ZNF521: variants seen among roughly 807,000 people sequenced by gnomAD.
ZNF521 encodes zinc finger protein 521.
ZNF521 carries 14 observed loss-of-function variants against 105.5 expected under a neutral mutation model. The ratio of observed to expected loss-of-function variants is 0.13; its 90% confidence interval spans 0.09 to 0.21. The LOEUF (loss-of-function observed/expected upper bound fraction) is 0.21. ZNF521 is among the 10% of genes least tolerant of loss of function. ZNF521 has a pLI of 1.00. For missense variants in ZNF521, 1,233 were observed against 1,629.7 expected (o/e 0.76, Z 4.19); for synonymous variants, 635 against 606.0 (o/e 1.05, Z -0.70).
At chr18:25,240,902 C>T (rs187459205) in intron 3 of ZNF521, among the ~76,000 whole-genome samples, 4 of 140,632 alleles carry the variant, frequency 2.8e-5, no homozygotes, top group Admixed American at 7.6e-5. Flanking sequence ...AGCACTGGGG[C>T]GAGTTTTCTG....
chr18:25,116,762 C>T (rs1261501702), intron 5 of ZNF521, among the ~76,000 whole-genome samples: 2 of 151,202 alleles, frequency 1.3e-5, no homozygotes, highest in Non-Finnish European at 2.9e-5. Flanking sequence ...GATGTCAGTA[C>T]TCCAATAGAA....
intron 3 of ZNF521, among the ~76,000 whole-genome samples, chr18:25,282,476 T>C (rs908324340): frequency 1.3e-5 from 2 of 151,942 alleles, no homozygotes; most frequent in Non-Finnish European, 2.9e-5. Flanking sequence ...AGTTCAGTGT[T>C]TGGAAAGAGG....
chr18:25,330,266 C>T (rs775110467), intron 2 of ZNF521, among the ~76,000 whole-genome samples: 28 of 152,054 alleles, frequency 1.8e-4, no homozygotes, highest in South Asian at 2.1e-4. Flanking sequence ...CAGGTTCAAA[C>T]GATTCTCCTG....
At chr18:25,148,687 T>C (rs2034990619) in intron 5 of ZNF521, among the ~76,000 whole-genome samples, 1 of 152,018 alleles carries the variant, frequency 6.6e-6, no homozygotes, top group African/African-American at 2.4e-5. Flanking sequence ...GTTTTGTGAG[T>C]GACAAATTTC....
chr18:25,231,052 A>C (rs1906497984), intron 3 of ZNF521, among the ~76,000 whole-genome samples: 1 of 152,202 alleles, frequency 6.6e-6, no homozygotes, highest in South Asian at 2.1e-4. Context: ...AGGAATGCCC[A>C]TGATTCAGCA....
chr18:25,144,209 T>C (rs969162046), intron 5 of ZNF521, among the ~76,000 whole-genome samples: 2 of 152,136 alleles, frequency 1.3e-5, no homozygotes, highest in Non-Finnish European at 1.5e-5. Context: ...AATTTTATAT[T>C]ACATAGACTA....
chr18:25,262,141 T>G (rs2144898482), intron 3 of ZNF521, among the ~76,000 whole-genome samples: 1 of 152,286 alleles, frequency 6.6e-6, no homozygotes, highest in African/African-American at 2.4e-5. Context: ...ATGTCTTATG[T>G]CATCTTTCTT....
intron 1 of ZNF521, 110 bp downstream of exon 1, chr18:25,351,895 G>A (rs1914805813): frequency 7.2e-6 from 2 of 275,900 alleles, no homozygotes; most frequent in Admixed American, 3.8e-5. Flanking sequence ...CGGCAGCAGC[G>A]GCGGCAGCGG....
intron 4 of ZNF521, among the ~76,000 whole-genome samples, chr18:25,207,440 A>T (rs750501743): frequency 1.3e-5 from 2 of 152,162 alleles, no homozygotes; most frequent in Non-Finnish European, 2.9e-5. Context: ...CCGCCTCTCC[A>T]TCGCCAGTTC....
rs149332053 is a variant in ZNF521, at chr18:25,245,629, A to C, written c.221-17932T>G. Among the ~76,000 whole-genome samples the C allele has an allele frequency of 2.1e-3, 324 of 152,330 alleles. 2 individuals are homozygous for C. The highest frequency in any genetic ancestry group is 0.02 in the Middle Eastern group (6 of 294). ...GGGCATTTTGCTAGGCACTGGGATC[A>C]AAGGTGTATGAAATGTGATTCTTCA... is the stretch of plus-strand genomic sequence containing the variant. On this transcript the variant is annotated intron_variant, in intron 3 of 7. Transcript: ENST00000361524.
intron 2 of ZNF521, among the ~76,000 whole-genome samples, chr18:25,332,335 G>C (rs1481289236): frequency 8.8e-6 from 1 of 113,176 alleles, no homozygotes; most frequent in Non-Finnish European, 1.8e-5. Flanking sequence ...TTTGTATAAT[G>C]AAAGATCACA....
chr18:25,278,813 C>T (rs1207867022), intron 3 of ZNF521, among the ~76,000 whole-genome samples: 3 of 152,202 alleles, frequency 2.0e-5, no homozygotes. Flanking sequence ...CCTCTACAGA[C>T]TTGCTTGCCA....
intron 5 of ZNF521, among the ~76,000 whole-genome samples, chr18:25,133,663 A>G (rs1474073223): frequency 6.6e-6 from 1 of 152,156 alleles, no homozygotes; most frequent in Non-Finnish European, 1.5e-5. Context: ...TTCTCACACT[A>G]TAGTTTTACC....
chr18:25,200,823 G>A (rs2035979760), intron 4 of ZNF521, among the ~76,000 whole-genome samples: 1 of 151,756 alleles, frequency 6.6e-6, no homozygotes, highest in Non-Finnish European at 1.5e-5. Context: ...ACGTTCAAGT[G>A]CTTTTGTTTT....
At chr18:25,121,411 C>T (rs921111010) in intron 5 of ZNF521, among the ~76,000 whole-genome samples, 2 of 151,874 alleles carry the variant, frequency 1.3e-5, no homozygotes, top group Non-Finnish European at 1.5e-5. Flanking sequence ...TGCCACCATG[C>T]CTGGCTAATT....
chr18:25,199,986 T>C (rs571665996), intron 4 of ZNF521, among the ~76,000 whole-genome samples: 16 of 152,208 alleles, frequency 1.1e-4, no homozygotes, highest in Admixed American at 2.0e-4. Flanking sequence ...AAAAAATCCC[T>C]TGAAACAGTC....
intron 4 of ZNF521, among the ~76,000 whole-genome samples, chr18:25,209,601 G>A (rs1430676250): frequency 6.6e-6 from 1 of 152,100 alleles, no homozygotes; most frequent in East Asian, 1.9e-4. Context: ...CTACTCATTT[G>A]TTTCCTAGGA....
chr18:25,209,543 G>C (rs2036142731), intron 4 of ZNF521, among the ~76,000 whole-genome samples: 1 of 152,172 alleles, frequency 6.6e-6, no homozygotes. Context: ...GGCATCGTCG[G>C]TGGATTTTGG....
At chr18:25,172,281 C>T (rs1374741978) in intron 5 of ZNF521, among the ~76,000 whole-genome samples, 2 of 152,102 alleles carry the variant, frequency 1.3e-5, no homozygotes, top group Non-Finnish European at 2.9e-5. Context: ...CCCCAGTATG[C>T]TGTACTTTCC....
Sources: allele counts gnomAD v4.1 joint callset (sites outside exome capture counted in the v4.1 genomes callset), GRCh38; gene constraint gnomAD v4.1.1; transcripts MANE v1.5; gene names NCBI Gene and HGNC (gene_info 2026-07-23, HGNC 2026-07-21).